Variants in DCLRE1C observed in about 807,000 individuals in gnomAD.
The protein encoded by DCLRE1C is DNA cross-link repair 1C.
DCLRE1C carries 47 observed loss-of-function variants against 61.4 expected under a neutral mutation model. The ratio of observed to expected loss-of-function variants is 0.77; its 90% CI spans 0.61 to 0.98. The LOEUF (loss-of-function observed/expected upper bound fraction) is 0.98, where lower values mean the gene tolerates loss of function less well. DCLRE1C is among the 50% of genes least tolerant of loss of function. The probability of loss-of-function intolerance (pLI) is 0.00; values close to 1 mark genes in which losing one functional copy is unlikely to be tolerated. For synonymous variants in DCLRE1C, 337 were observed against 287.6 expected (o/e 1.17, Z -1.74); for missense variants, 858 against 816.0 (o/e 1.05, Z -0.63).
exon 14 of DCLRE1C, chr10:14,897,676 A>T (rs1833680523): frequency 5.3e-6 from 3 of 563,438 alleles, no homozygotes; most frequent in Admixed American, 4.2e-5. Flanking sequence ...GTTCACTGGC[A>T]TATTTAGAAA....
chr10:14,908,347 T>C lies in DCLRE1C; in HGVS notation c.*61A>G, dbSNP rs141709630. 35 of 1,285,120 alleles carry C rather than the reference T, an allele frequency of 2.7e-5. No individual in the cohort carries two copies. The highest frequency in any genetic ancestry group is 1.6e-4 in the African/African-American group (11 of 68,214). 79.6% of individuals were successfully genotyped at this position (1,285,120 alleles called of 1,614,324 possible). ...GTACTGTATTTTCTCTATTGTAATA[T>C]TGACTGTCATCTCTGTGCAGGTTTT... On this transcript the variant is annotated 3_prime_UTR_variant, in exon 14 of 14. Coordinates refer to ENST00000378278, the MANE Select transcript of DCLRE1C (RefSeq NM_001033855.3).
chr10:14,928,689 T>C (rs1381973324), intron 9 of DCLRE1C, among the ~76,000 whole-genome samples: 2 of 152,042 alleles, frequency 1.3e-5, no homozygotes, highest in Admixed American at 6.6e-5. Flanking sequence ...CTACTCTCAA[T>C]TGGTTTGGAG....
chr10:14,940,945 C>T (rs1401370295), intron 3 of DCLRE1C, among the ~76,000 whole-genome samples: 2 of 152,222 alleles, frequency 1.3e-5, no homozygotes, highest in Admixed American at 6.5e-5. Context: ...CGCAGTGGCA[C>T]GATCTCAGCT....
At chr10:14,917,548 G>A (rs975025704) in intron 13 of DCLRE1C, among the ~76,000 whole-genome samples, 1 of 152,028 alleles carries the variant, frequency 6.6e-6, no homozygotes, top group Non-Finnish European at 1.5e-5. Context: ...AATATGATGG[G>A]TGCAGTGGCT....
At position 14,905,977 on chromosome 10, in the gene DCLRE1C, A is replaced by G. The variant is rs1834359730; in HGVS notation, c.*2431T>C. Among the ~76,000 whole-genome samples, 1 of 152,266 alleles carries G rather than the reference A, an allele frequency of 6.6e-6. No individual in the cohort carries two copies. Among genetic ancestry groups the G allele is most frequent in the South Asian group, 2.1e-4 (1 of 4,818 alleles). ...AGCCTGAGTGACAGAGCGAGACTCC[A>G]TCTTGAAAAGTAAAAAACAAAAACT... On this transcript the variant is annotated 3_prime_UTR_variant, in exon 14 of 14. Transcript: ENST00000378278.
chr10:14,908,426 G>A lies in DCLRE1C; in HGVS notation c.2061C>T (p.Cys687=), dbSNP rs773086268. ...GESIAVKKRK[C]SLLDT The stretch of plus-strand genomic sequence containing the variant: ...TGAATTCTTAGGTATCTAAGAGTGA[G>A]CATTTTCTTTTTTTGACTGCTATAC... Residue 687 remains cysteine, a synonymous_variant, in exon 14 of 14, where the codon TGC becomes TGT. Coordinates refer to ENST00000378278, the MANE Select transcript of DCLRE1C (RefSeq NM_001033855.3). The A allele has an allele frequency of 1.2e-6, 2 of 1,613,614 alleles. No homozygotes were observed. Among genetic ancestry groups the A allele is most frequent in the South Asian group, 1.1e-5 (1 of 91,072 alleles).
Position 14,914,833 on chromosome 10 carries a change from C to T in DCLRE1C, c.1156+4905G>A, listed in dbSNP as rs184470955. On this transcript the variant is annotated intron_variant, in intron 13 of 13. Coordinates refer to ENST00000378278, the MANE Select transcript of DCLRE1C (RefSeq NM_001033855.3). Reference sequence around the variant, plus strand: ...CGTGAGCCTGTAATTCCAGCTACTTCGGATGCTGACACAGGAGAATCACTT... The same window carrying T: ...CGTGAGCCTGTAATTCCAGCTACTTTGGATGCTGACACAGGAGAATCACTT... Among the ~76,000 whole-genome samples, 345 of 151,864 alleles carry T rather than the reference C, an allele frequency of 2.3e-3. 3 individuals carry two copies. The highest frequency in any genetic ancestry group is 7.3e-3 in the African/African-American group (301 of 41,414).
chr10:14,923,765 T>G (rs555244829), intron 11 of DCLRE1C: 1 of 152,750 alleles, frequency 6.5e-6, no homozygotes, highest in African/African-American at 2.4e-5. Context: ...CAGAACACCA[T>G]GCATTCGTCA....
chr10:14,901,371 A>C (rs1750167237), downstream of DCLRE1C: 1 of 1,418,028 alleles, frequency 7.1e-7, no homozygotes, highest in African/African-American at 1.4e-5. Context: ...TAAAGATGAA[A>C]AGTTGAGGCA....
intron 13 of DCLRE1C, among the ~76,000 whole-genome samples, chr10:14,917,684 C>T (rs1836430169): frequency 6.6e-6 from 1 of 152,004 alleles, no homozygotes; most frequent in Non-Finnish European, 1.5e-5. Flanking sequence ...ATTAGCCAGG[C>T]ATGGTGGCAT....
intron 13 of DCLRE1C, chr10:14,899,464 A>T (rs1276407274): frequency 1.3e-6 from 2 of 1,485,296 alleles, no homozygotes; most frequent in East Asian, 2.3e-5. Flanking sequence ...AGGTATTCGC[A>T]TATTAGTAGA....
chr10:14,937,666 G>A (rs577217532), intron 4 of DCLRE1C, among the ~76,000 whole-genome samples: 5 of 152,214 alleles, frequency 3.3e-5, no homozygotes, highest in South Asian at 2.1e-4. Context: ...CAAGGTGAAC[G>A]AATCCCTTGA....
In DCLRE1C at chr10:14,953,906, G is replaced by T; in HGVS notation, c.105C>A (p.His35Gln). The T allele has an allele frequency of 6.2e-7, 1 of 1,613,992 alleles. No individual in the cohort carries two copies. The highest frequency in any genetic ancestry group is 8.5e-7 in the Non-Finnish European group (1 of 1,179,922). Residue 35 changes from histidine to glutamine, a missense_variant, in exon 1 of 14, where the codon CAC becomes CAA. His to Gln is a conservative substitution (Grantham distance 24). Transcript: ENST00000378278. The stretch of plus-strand genomic sequence containing the variant: ...CGACGCGCAGCCCTCACTCACCTTT[G>T]TGGCAGTGGGACAGGAAGTAGGCGC... ...RARAYFLSHC[H>Q]KDHMKGLRAP...
intron 13 of DCLRE1C, 114 bp downstream of exon 13, chr10:14,919,624 T>C (rs945027092): frequency 3.5e-5 from 28 of 809,106 alleles, no homozygotes; most frequent in Admixed American, 1.9e-4. Context: ...AAGTCTGACC[T>C]GTGGTGGGTC....
chr10:14,915,631 T>C (rs927103105), intron 13 of DCLRE1C, among the ~76,000 whole-genome samples: 1 of 150,982 alleles, frequency 6.6e-6, no homozygotes, highest in African/African-American at 2.4e-5. Context: ...AGAAATCACA[T>C]TTGTAGTTAA....
At chr10:14,953,075 G>T (rs566316644) in intron 1 of DCLRE1C, among the ~76,000 whole-genome samples, 1 of 152,256 alleles carries the variant, frequency 6.6e-6, no homozygotes, top group Non-Finnish European at 1.5e-5. Flanking sequence ...CACACAGCAG[G>T]AGGCAGCAAC....
chr10:14,931,907 G>A (rs551724366), intron 9 of DCLRE1C, among the ~76,000 whole-genome samples: 28 of 152,250 alleles, frequency 1.8e-4, no homozygotes, highest in Middle Eastern at 3.4e-3. Flanking sequence ...GGTGGTGCAT[G>A]CCTGTAATCC....
chr10:14,925,317 A>G (rs1837790726), intron 11 of DCLRE1C, among the ~76,000 whole-genome samples: 1 of 152,092 alleles, frequency 6.6e-6, no homozygotes, highest in Non-Finnish European at 1.5e-5. Context: ...CCAAGGAGAT[A>G]AGAGACACCC....
chr10:14,901,472 A>G (rs1019666720), downstream of DCLRE1C, among the ~76,000 whole-genome samples: 4 of 152,250 alleles, frequency 2.6e-5, no homozygotes, highest in East Asian at 1.9e-4. Context: ...ATGGTTCTAC[A>G]TCGTAAATTT....
Sources: allele counts gnomAD v4.1 joint callset (sites outside exome capture counted in the v4.1 genomes callset), GRCh38; gene constraint gnomAD v4.1.1; transcripts MANE v1.5; gene names NCBI Gene and HGNC (gene_info 2026-07-23, HGNC 2026-07-21).